The following DNAH10 variants were observed in gnomAD, a reference collection of about 807,000 sequenced individuals.
DNAH10 encodes dynein axonemal heavy chain 10.
A neutral mutation model predicts 506.6 loss-of-function variants in DNAH10; 348 were observed. The observed-to-expected ratio is 0.69, with a 90% CI of 0.63 to 0.75. The LOEUF is 0.75. DNAH10 is among the 30% of genes least tolerant of loss of function. The pLI is 0.00. For missense variants in DNAH10, 5,179 were observed against 5,787.1 expected, an observed-to-expected ratio of 0.89 and a Z score of 3.41; for synonymous variants, 2,059 against 2,198.6, an observed-to-expected ratio of 0.94 and a Z score of 1.78.
In DNAH10 at chr12:123,927,138, T is replaced by C. The variant is rs1235084654; in HGVS notation, c.12105+318T>C. The C allele has an allele frequency of 1.3e-5, 4 of 312,954 alleles. No homozygotes were observed. The East Asian group carries it at 3.7e-4, about 29-fold the overall frequency. The allele number at this position is 312,954 out of a possible 1,614,324, so 19.4% of individuals were successfully genotyped here. A position where few individuals can be genotyped will look rare whatever the true frequency, so the allele number is the denominator to read the frequency against. ...GCTCACTGCAGCCTCGACCTCCTGA[T>C]TGTGAAGTGATCGTCCTGCCTCAGC... On this transcript the variant is annotated intron_variant, in intron 69 of 78. Transcript: ENST00000673944.
Position 123,929,420 on chromosome 12 carries a change from A to G in DNAH10, c.12452A>G (p.Glu4151Gly). The change falls in exon 71 of 79, where the codon GAG becomes GGG. Residue 4151 changes from glutamate (E) to glycine (G), a missense_variant. Physicochemically the swap from Glu to Gly is moderately conservative, Grantham distance 98. Coordinates refer to ENST00000673944, the MANE Select transcript of DNAH10 (RefSeq NM_001372106.1). ...GCGTTCTTTCATGCTGTGGTGCAGG[A>G]GAGAAGGAAGTTTGGGAAGATTGGC... ...VLAFFHAVVQ[E>G]RRKFGKIGWN... 2 of 1,613,692 alleles carry G rather than the reference A, an allele frequency of 1.2e-6. No individual in the cohort carries two copies. Among genetic ancestry groups the G allele is most frequent in the Non-Finnish European group, 1.7e-6 (2 of 1,179,800 alleles).
Position 123,931,750 on chromosome 12 carries a change from C to G in DNAH10, c.13031C>G (p.Thr4344Arg). ...GACCAGGTGAGGAAGCGCCTCGGAACAGGACTCTCCCCCACTTCGGTGGTG... is the reference window on the plus strand; with the variant it reads ...GACCAGGTGAGGAAGCGCCTCGGAAGAGGACTCTCCCCCACTTCGGTGGTG... ...DLDQVRKRLG[T>R]GLSPTSVVLL... The change falls in exon 75 of 79, where the codon ACA (threonine) becomes AGA (arginine). Residue 4344 changes from threonine to arginine, a missense_variant. Thr to Arg is a moderately conservative substitution (Grantham distance 71, BLOSUM62 -1). Transcript: ENST00000673944. 6.2e-7 allele frequency: 1 copy of G among 1,614,042 alleles called. No homozygotes were observed. The highest frequency in any genetic ancestry group is 8.5e-7 in the Non-Finnish European group (1 of 1,179,898).
Position 123,917,756 on chromosome 12 carries a change from G to A in DNAH10, c.11175G>A (p.Met3725Ile). The stretch of plus-strand genomic sequence containing the variant: ...AGCTGGCCACGTCCACGGGGAACAT[G>A]CTGGACAATGTGGACCTGGTGCACA... ...LRELATSTGN[M>I]LDNVDLVHTL... Residue 3725 changes from methionine (M) to isoleucine (I), a missense_variant, in exon 64 of 79, where the codon ATG becomes ATA. Met to Ile is a conservative substitution (Grantham distance 10). This residue lies in a region of DNAH10 where 4,844 missense variants were observed against 5,430.5 expected (regional missense o/e 0.89). Coordinates refer to ENST00000673944, the MANE Select transcript of DNAH10 (RefSeq NM_001372106.1). This position sits in a 1 kb window ranked among gnomAD's most constrained non-coding sequence, Gnocchi z 5.6. 1 of 1,576,056 alleles carries A rather than the reference G, an allele frequency of 6.3e-7. No individual in the cohort carries two copies. The highest frequency in any genetic ancestry group is 8.6e-7 in the Non-Finnish European group (1 of 1,161,186).
At chr12:123,772,552 C>A (rs1285653855) in intron 3 of DNAH10, among the ~76,000 whole-genome samples, 5 of 152,196 alleles carry the variant, frequency 3.3e-5, no homozygotes, top group Non-Finnish European at 7.3e-5. Flanking sequence ...TACGTCCCAT[C>A]TGCAAAACAA....
rs747804524 is a variant in DNAH10 at position 123,917,325 on chromosome 12, T to C, written c.11003-259T>C. Among the ~76,000 whole-genome samples the C allele has an allele frequency of 5.9e-5, 9 of 152,186 alleles. No homozygotes were observed. The highest frequency in any genetic ancestry group is 1.2e-4 in the Non-Finnish European group (8 of 68,024). ...CCCAGTCTGGGTATACTTTAAACTA[T>C]GGCACCCCAGTCCGTGGAAGCCTGG... On this transcript the variant is annotated intron_variant, in intron 63 of 78. Coordinates refer to ENST00000673944, the MANE Select transcript of DNAH10 (RefSeq NM_001372106.1). The surrounding 1 kb of genome is among the most constrained non-coding windows in gnomAD (Gnocchi z 5.6).
intron 52 of DNAH10, among the ~76,000 whole-genome samples, chr12:123,889,348 C>T (rs945664097): frequency 3.9e-5 from 6 of 152,150 alleles, no homozygotes; most frequent in East Asian, 1.9e-4. Flanking sequence ...TTGATCATTG[C>T]GTTTTAAGTT....
At position 123,913,090 on chromosome 12, in the gene DNAH10, T is replaced by G; in HGVS notation, c.10135-8T>G. ...TTCCCCATCTTTTTGCAAATTGTCT[T>G]CACTTAGGTGGCCAGGCTGGAGCGG... On this transcript the variant is annotated splice_region_variant and splice_polypyrimidine_tract_variant and intron_variant, in intron 59 of 78. Coordinates refer to ENST00000673944, the MANE Select transcript of DNAH10 (RefSeq NM_001372106.1). The surrounding 1 kb of genome is among the most constrained non-coding windows in gnomAD (Gnocchi z 5.1). 1 of 1,603,060 alleles carries G rather than the reference T, an allele frequency of 6.2e-7. No individual in the cohort carries two copies. Among genetic ancestry groups the G allele is most frequent in the Non-Finnish European group, 8.5e-7 (1 of 1,175,200 alleles).
chr12:123,766,390 T>C (rs1017080165), intron 1 of DNAH10, among the ~76,000 whole-genome samples: 1 of 152,304 alleles, frequency 6.6e-6, no homozygotes, highest in South Asian at 2.1e-4. Flanking sequence ...TATATGGATA[T>C]ATAGAGTTCC....
chr12:123,877,677 A>T, intron 47 of DNAH10, 59 bp from the exon 48 acceptor site: 1 of 1,539,770 alleles, frequency 6.5e-7, no homozygotes, highest in Non-Finnish European at 8.7e-7. Context: ...CATTTTGTTT[A>T]TTCACTCATC....
intron 2 of DNAH10, among the ~76,000 whole-genome samples, chr12:123,770,301 G>A (rs990829915): frequency 6.6e-6 from 1 of 151,352 alleles, no homozygotes; most frequent in African/African-American, 2.4e-5. Context: ...TCACTACATT[G>A]CCCAGGCTGG....
intron 54 of DNAH10, among the ~76,000 whole-genome samples, chr12:123,896,148 C>CACACACACACACACAGAGAGAG (rs1383690518): frequency 4.2e-5 from 4 of 95,320 alleles, no homozygotes; most frequent in Non-Finnish European, 1.9e-5. Context: ...CACACACACA[C>CACACACACACACACAGAGAGAG]AGAGAGAGAG....
Position 123,866,012 on chromosome 12 carries a change from A to G in DNAH10, c.7106A>G (p.Asp2369Gly), listed in dbSNP as rs1260686948. Residue 2369 changes from aspartate (D) to glycine (G), a missense_variant, in exon 41 of 79, where the codon GAT (aspartate) becomes GGT (glycine). Physicochemically the swap from Asp to Gly is moderately conservative, Grantham distance 94 (BLOSUM62 -1). This residue lies in a region of DNAH10 where 4,844 missense variants were observed against 5,430.5 expected (regional missense o/e 0.89). Transcript: ENST00000673944. ...TCTCGATGTGGAATGGTTTATGTGGATCCTAAAAACTTGAAATATCGACCA... is the reference window on the plus strand; with the variant it reads ...TCTCGATGTGGAATGGTTTATGTGGGTCCTAAAAACTTGAAATATCGACCA... ...TVSRCGMVYV[D>G]PKNLKYRPYW... The G allele has an allele frequency of 3.1e-6, 5 of 1,612,416 alleles. No individual in the cohort carries two copies. The highest frequency in any genetic ancestry group is 4.2e-6 in the Non-Finnish European group (5 of 1,179,542).
At chr12:123,893,750 G>A (rs1016435457) in intron 53 of DNAH10, among the ~76,000 whole-genome samples, 1 of 152,166 alleles carries the variant, frequency 6.6e-6, no homozygotes, top group Non-Finnish European at 1.5e-5. Context: ...TAGAGCAGAG[G>A]TTCCTAATGG....
In DNAH10 at chr12:123,931,991, GTC is replaced by G; in HGVS notation, c.13183_13184del (p.Leu4395PhefsTer7). ...GCAATGAGTTAGATGATGTGGCCAG[GTC>G]TCTTTTTATCGGGCATATCCCTAAT... ...MSNELDDVAR[S>X]LFIGHIPNIW... On this transcript the variant is annotated frameshift_variant, in exon 76 of 79. Coordinates refer to ENST00000673944, the MANE Select transcript of DNAH10 (RefSeq NM_001372106.1). LOFTEE classifies it high-confidence loss of function. 6.2e-7 allele frequency: 1 copy of G among 1,614,048 alleles called. No homozygotes were observed. The highest frequency in any genetic ancestry group is 8.5e-7 in the Non-Finnish European group (1 of 1,179,908).
chr12:123,934,324 C>T, intron 77 of DNAH10: 1 of 682,352 alleles, frequency 1.5e-6, no homozygotes. Flanking sequence ...CCAGGGTGGT[C>T]TAAGTCCGTG....
intron 25 of DNAH10, 64 bp downstream of exon 25, chr12:123,826,962 C>A: frequency 1.4e-6 from 2 of 1,439,704 alleles, no homozygotes; most frequent in South Asian, 2.7e-5. Flanking sequence ...AAAATTGTTT[C>A]CCTCAGTACA....
chr12:123,852,808 A>C (rs1037762374), intron 35 of DNAH10, among the ~76,000 whole-genome samples: 1 of 152,064 alleles, frequency 6.6e-6, no homozygotes, highest in Non-Finnish European at 1.5e-5. Context: ...TCTTGACCTC[A>C]GGTGATCCAC....
At chr12:123,799,103 T>TG in intron 13 of DNAH10, 143 bp from the exon 14 acceptor site, 1 of 353,050 alleles carries the variant, frequency 2.8e-6, no homozygotes. Flanking sequence ...AGACTCCGTC[T>TG]CCAAAAAAAA....
At chr12:123,772,038 C>T (rs933340876) in intron 3 of DNAH10, among the ~76,000 whole-genome samples, 6 of 152,216 alleles carry the variant, frequency 3.9e-5, no homozygotes, top group African/African-American at 1.4e-4. Context: ...ACTTAATTCT[C>T]CTGGTAGCTA....
Sources: allele counts gnomAD v4.1 joint callset (sites outside exome capture counted in the v4.1 genomes callset), GRCh38; gene constraint gnomAD v4.1.1; regional missense constraint gnomAD v4.1.1; non-coding constraint Gnocchi (gnomAD v3.1); transcripts MANE v1.5; gene names NCBI Gene and HGNC (gene_info 2026-07-23, HGNC 2026-07-21).